Variants in EDIL3 observed in about 807,000 individuals in gnomAD.
EDIL3 encodes the protein EGF like and discoidin domains 3, also known as EGF-like repeat and discoidin I-like domain-containing protein 3.
A neutral mutation model predicts 67.4 loss-of-function variants in EDIL3; 37 were observed. The observed-to-expected ratio is 0.55, with a 90% CI of 0.42 to 0.72. The LOEUF (loss-of-function observed/expected upper bound fraction) is 0.72. Among genes scored for constraint, EDIL3 ranks in the 30% least tolerant of loss-of-function variants. The pLI is 0.00. For missense variants in EDIL3, 527 were observed against 586.3 expected, an observed-to-expected ratio of 0.90 and a Z score of 1.04; for synonymous variants, 195 against 196.3, an observed-to-expected ratio of 0.99 and a Z score of 0.05.
intron 3 of EDIL3, among the ~76,000 whole-genome samples, chr5:84,208,551 C>T (rs1250437744): frequency 6.3e-4 from 96 of 151,182 alleles, no homozygotes; most frequent in Middle Eastern, 6.8e-3. Flanking sequence ...CGGTGGTGGG[C>T]GCCTGTAGTC....
chr5:84,175,654 G>T lies in EDIL3; in HGVS notation c.355+4739C>A, dbSNP rs957598. ...CTTAGGCACAGATCCATTAAATGCC[G>T]AATGACGCTTCATCAACTTACCAAG... On this transcript the variant is annotated intron_variant, in intron 4 of 10. Transcript: ENST00000296591. Among the ~76,000 whole-genome samples the T allele has an allele frequency of 6.8e-3, 1,033 of 152,248 alleles. 9 individuals carry two copies. The highest frequency in any genetic ancestry group is 0.024 in the African/African-American group (986 of 41,536).
At chr5:83,960,000 T>A (rs1343096475) in intron 10 of EDIL3, among the ~76,000 whole-genome samples, 2 of 150,966 alleles carry the variant, frequency 1.3e-5, no homozygotes, top group African/African-American at 4.8e-5. Context: ...TGCTCTGTAA[T>A]TCCTTCTTCC....
chr5:83,940,930 G>T lies in EDIL3; in HGVS notation c.*2489C>A, dbSNP rs1744212758. On this transcript the variant is annotated 3_prime_UTR_variant, in exon 11 of 11. Transcript: ENST00000296591. ...CAACTATGATAAATACCTTCAAAAG[G>T]ATGTAGATATAATGGAGATGTTTAA... 1.3e-5 allele frequency: 2 copies of T among 151,918 alleles called. No individual in the cohort carries two copies. The highest frequency in any genetic ancestry group is 4.8e-5 in the African/African-American group (2 of 41,412). The allele number at this position is 151,918 out of a possible 1,614,324, so 9.4% of individuals were successfully genotyped here. A position where few individuals can be genotyped will look rare whatever the true frequency, so the allele number is the denominator to read the frequency against.
chr5:84,170,630 C>A (rs2112348283), intron 4 of EDIL3, among the ~76,000 whole-genome samples: 1 of 152,182 alleles, frequency 6.6e-6, no homozygotes, highest in African/African-American at 2.4e-5. Context: ...AAGATGATAA[C>A]TAAGAGCAAC....
chr5:84,079,945 A>G lies in EDIL3; in HGVS notation c.652-13339T>C, dbSNP rs112738885. On this transcript the variant is annotated intron_variant, in intron 6 of 10. Coordinates refer to ENST00000296591, the MANE Select transcript of EDIL3 (RefSeq NM_005711.5). The stretch of plus-strand genomic sequence containing the variant: ...GAAGGCTTGGGTGGTGAGAAGCATC[A>G]TGAACACACCTAAGGAGGAAGGCTT... Among the ~76,000 whole-genome samples, 55 of 151,958 alleles carry G rather than the reference A, an allele frequency of 3.6e-4. 1 individual carries two copies. The South Asian group carries it at 7.7e-3, about 21-fold the overall frequency.
chr5:84,129,631 G>A (rs376604046), intron 5 of EDIL3, among the ~76,000 whole-genome samples: 2 of 151,982 alleles, frequency 1.3e-5, no homozygotes, highest in African/African-American at 2.4e-5. Flanking sequence ...CATTACCAAA[G>A]TACCCTGTTC....
intron 10 of EDIL3, 27 bp downstream of exon 10, chr5:83,963,178 C>T: frequency 6.3e-7 from 1 of 1,576,142 alleles, no homozygotes; most frequent in Middle Eastern, 1.7e-4. Flanking sequence ...CACTTCTGAA[C>T]TTTATAAACC....
At position 84,162,195 on chromosome 5, in the gene EDIL3, A is replaced by T. The variant is rs114964950; in HGVS notation, c.355+18198T>A. 5.3e-3 allele frequency among the ~76,000 whole-genome samples: 802 copies of T among 152,170 alleles called. 6 individuals are homozygous for T. The highest frequency in any genetic ancestry group is 0.018 in the African/African-American group (759 of 41,528). ...TTCTGGGTTCTGGATTATCTTCAGC[A>T]TGGTCTAGAAAGGGGAATAAGTCTC... On this transcript the variant is annotated intron_variant, in intron 4 of 10. Transcript: ENST00000296591.
chr5:84,380,852 A>G (rs1007102045), intron 1 of EDIL3, among the ~76,000 whole-genome samples: 1 of 152,026 alleles, frequency 6.6e-6, no homozygotes, highest in Non-Finnish European at 1.5e-5. Flanking sequence ...TTAGTCATGT[A>G]TATCTTATTC....
intron 1 of EDIL3, among the ~76,000 whole-genome samples, chr5:84,320,009 G>A (rs953181537): frequency 6.6e-6 from 1 of 152,046 alleles, no homozygotes; most frequent in Admixed American, 6.5e-5. Context: ...CAGGGGGTGG[G>A]TGCCTGGGGG....
intron 3 of EDIL3, among the ~76,000 whole-genome samples, chr5:84,211,721 C>G (rs1198739243): frequency 1.3e-5 from 2 of 152,202 alleles, no homozygotes; most frequent in Non-Finnish European, 2.9e-5. Context: ...CTAGAACCCT[C>G]AGAGAGAGCA....
chr5:84,374,475 A>G (rs1167753357), intron 1 of EDIL3, among the ~76,000 whole-genome samples: 2 of 152,216 alleles, frequency 1.3e-5, no homozygotes, highest in African/African-American at 2.4e-5. Flanking sequence ...TGCTTACGAA[A>G]TTTTAACCAC....
At chr5:84,009,325 G>C (rs4323214) in intron 9 of EDIL3, among the ~76,000 whole-genome samples, 92,636 of 152,052 alleles carry the variant, frequency 0.61, 30,343 homozygotes, top group East Asian at 0.88. Flanking sequence ...TCATTAACCT[G>C]ATGACCATTT....
chr5:84,122,722 T>A (rs1436020822), intron 5 of EDIL3, among the ~76,000 whole-genome samples: 2 of 151,882 alleles, frequency 1.3e-5, no homozygotes. Context: ...AGGAGGGCAC[T>A]TAGATGTCTT....
intron 1 of EDIL3, among the ~76,000 whole-genome samples, chr5:84,255,316 G>A (rs1745105327): frequency 6.6e-6 from 1 of 152,166 alleles, no homozygotes; most frequent in African/African-American, 2.4e-5. Context: ...TAATTCAGGT[G>A]GAGCCTGAAA....
intron 1 of EDIL3, among the ~76,000 whole-genome samples, chr5:84,292,639 T>C (rs1386852114): frequency 6.6e-6 from 1 of 152,170 alleles, no homozygotes; most frequent in African/African-American, 2.4e-5. Context: ...GATTTGAATA[T>C]ATCCTACCAT....
At chr5:84,265,763 C>T (rs1745335207) in intron 1 of EDIL3, among the ~76,000 whole-genome samples, 1 of 152,172 alleles carries the variant, frequency 6.6e-6, no homozygotes, top group South Asian at 2.1e-4. Context: ...AATTCTTTAA[C>T]AAACATGGAA....
intron 10 of EDIL3, among the ~76,000 whole-genome samples, chr5:83,961,845 G>A (rs1274910839): frequency 2.6e-5 from 4 of 151,238 alleles, no homozygotes; most frequent in Non-Finnish European, 4.4e-5. Context: ...AGTTTAAGAC[G>A]TCATTGATTA....
chr5:83,979,356 A>G (rs539510845), intron 9 of EDIL3, among the ~76,000 whole-genome samples: 9 of 152,252 alleles, frequency 5.9e-5, no homozygotes, highest in African/African-American at 2.2e-4. Context: ...CAAATTAATA[A>G]TATTTAGTGA....
Sources: allele counts gnomAD v4.1 joint callset (sites outside exome capture counted in the v4.1 genomes callset), GRCh38; gene constraint gnomAD v4.1.1; transcripts MANE v1.5; gene names NCBI Gene and HGNC (gene_info 2026-07-23, HGNC 2026-07-21).